Variants in CRB1 observed in about 807,000 individuals in gnomAD.
CRB1 encodes protein crumbs homolog 1.
Under a neutral mutation model 120.0 loss-of-function variants are expected in CRB1, and 83 were observed. The observed-to-expected ratio is 0.69, with a 90% CI of 0.58 to 0.83. CRB1 has a LOEUF of 0.83. Ranked by LOEUF, CRB1 falls within the 40% of genes least tolerant of loss-of-function variation. The probability of loss-of-function intolerance (pLI) is 0.00; values close to 1 mark genes in which losing one functional copy is unlikely to be tolerated. For missense variants in CRB1, 1,699 were observed against 1,687.6 expected, an observed-to-expected ratio of 1.01 and a Z score of -0.12; for synonymous variants, 625 against 612.5, an observed-to-expected ratio of 1.02 and a Z score of -0.30.
Position 197,427,869 on chromosome 1 carries a change from C to T in CRB1, c.2544C>T (p.Phe848=), listed in dbSNP as rs760840456. ...AGACTGAACTTAATGGTGGATTCTT[C>T]AAAGGCTGTATCCAAGATGTAAGAC... ...KQETELNGGF[F]KGCIQDVRLN... is the part of the protein sequence containing the mutation. The change falls in exon 7 of 12, where the codon TTC becomes TTT. Residue 848 remains phenylalanine, a synonymous_variant. Transcript: ENST00000367400. 3.7e-6 allele frequency: 6 copies of T among 1,613,904 alleles called. No individual in the cohort carries two copies. The East Asian group carries it at 6.7e-5, about 18-fold the overall frequency.
intron 11 of CRB1, among the ~76,000 whole-genome samples, chr1:197,449,733 T>G (rs538002145): frequency 2.0e-5 from 3 of 152,220 alleles, no homozygotes; most frequent in Admixed American, 6.5e-5. Context: ...CCTGTAGCAG[T>G]GCCCTCTGTG....
At chr1:197,235,473 C>G in the CRB1 span, among the ~76,000 whole-genome samples, 1 of 152,122 alleles carries the variant, frequency 6.6e-6, no homozygotes, top group Non-Finnish European at 1.5e-5. Context: ...CCTGTGATTA[C>G]CATGTGATAA....
chr1:197,362,755 G>A (rs1037380746), intron 5 of CRB1, among the ~76,000 whole-genome samples: 1 of 151,864 alleles, frequency 6.6e-6, no homozygotes, highest in African/African-American at 2.4e-5. Flanking sequence ...ACCCACTTAT[G>A]TCATTAAATT....
chr1:197,285,212 C>A (rs957205419), intron 1 of CRB1, among the ~76,000 whole-genome samples: 1 of 151,812 alleles, frequency 6.6e-6, no homozygotes, highest in East Asian at 1.9e-4. Flanking sequence ...GAAGTTTGTC[C>A]AAGAGCACGG....
chr1:197,296,043 A>C (rs1466279659), intron 1 of CRB1, among the ~76,000 whole-genome samples: 2 of 152,122 alleles, frequency 1.3e-5, no homozygotes, highest in African/African-American at 4.8e-5. Flanking sequence ...AGACTATAAA[A>C]ATATGAGCAC....
At chr1:197,270,545 A>G (rs992299871) in intron 1 of CRB1, among the ~76,000 whole-genome samples, 1 of 152,224 alleles carries the variant, frequency 6.6e-6, no homozygotes, top group Non-Finnish European at 1.5e-5. Context: ...AGGAATCATC[A>G]GAATAGTTAA....
intron 11 of CRB1, among the ~76,000 whole-genome samples, chr1:197,453,403 A>C (rs1666070856): frequency 6.8e-6 from 1 of 147,578 alleles, no homozygotes; most frequent in South Asian, 2.1e-4. Context: ...TAACATACTT[A>C]TATACTAATT....
the CRB1 span, chr1:197,222,264 T>G: frequency 1.8e-6 from 1 of 548,808 alleles, no homozygotes; most frequent in Non-Finnish European, 3.5e-6. Flanking sequence ...GGCGGGTGTT[T>G]GAGGGAACGA....
At chr1:197,381,746 G>A (rs1413386204) in intron 5 of CRB1, among the ~76,000 whole-genome samples, 1 of 152,146 alleles carries the variant, frequency 6.6e-6, no homozygotes, top group Non-Finnish European at 1.5e-5. Flanking sequence ...AATTTAATAT[G>A]AAAACTTTCC....
chr1:197,282,198 T>C (rs1208248554), intron 1 of CRB1, among the ~76,000 whole-genome samples: 1 of 151,790 alleles, frequency 6.6e-6, no homozygotes, highest in African/African-American at 2.4e-5. Context: ...TATTTGTTAG[T>C]TGTTTTTTAA....
intron 11 of CRB1, among the ~76,000 whole-genome samples, chr1:197,447,628 G>A (rs1210403626): frequency 2.0e-5 from 3 of 151,976 alleles, no homozygotes; most frequent in African/African-American, 7.3e-5. Flanking sequence ...GATCACTTGA[G>A]TCTAGGATTT....
In CRB1 at chr1:197,435,087, A is replaced by G; in HGVS notation, c.3224A>G (p.Lys1075Arg). The G allele has an allele frequency of 4.3e-6, 7 of 1,613,954 alleles. No individual in the cohort carries two copies. The highest frequency in any genetic ancestry group is 5.9e-6 in the Non-Finnish European group (7 of 1,179,884). ...TIATGSLNFLKDNTDIYVGDR... is the reference protein window; with the variant it reads ...TIATGSLNFLRDNTDIYVGDR... Reference sequence around the variant, plus strand: ...GCTACTGGAAGCCTCAACTTTTTGAAGGATAATACAGATATTTATGTGGGA... The same window carrying G: ...GCTACTGGAAGCCTCAACTTTTTGAGGGATAATACAGATATTTATGTGGGA... Residue 1075 changes from lysine (K) to arginine (R), a missense_variant, in exon 9 of 12, where the codon AAG becomes AGG. Coordinates refer to ENST00000367400, the MANE Select transcript of CRB1 (RefSeq NM_201253.3).
At chr1:197,393,305 C>T (rs1662603522) in intron 5 of CRB1, among the ~76,000 whole-genome samples, 1 of 152,064 alleles carries the variant, frequency 6.6e-6, no homozygotes, top group African/African-American at 2.4e-5. Context: ...GCTAGGTTTG[C>T]TCCTCCTACC....
Position 197,445,872 on chromosome 1 carries a change from A to C in CRB1, c.4005+3580A>C, listed in dbSNP as rs143129753. On this transcript the variant is annotated intron_variant, in intron 11 of 11. Coordinates refer to ENST00000367400, the MANE Select transcript of CRB1 (RefSeq NM_201253.3). ...TATGATTTAGACACAATGCTTGCTC[A>C]AAATAAGCTGAAGTTATGGTAAGGA... 3.9e-5 allele frequency among the ~76,000 whole-genome samples: 6 copies of C among 152,184 alleles called. 1 individual carries two copies. The highest frequency in any genetic ancestry group is 7.4e-5 in the Non-Finnish European group (5 of 68,012).
intron 10 of CRB1, 40 bp from the exon 11 acceptor site, chr1:197,442,126 A>G: frequency 6.2e-7 from 1 of 1,613,980 alleles, no homozygotes; most frequent in Non-Finnish European, 8.5e-7. Flanking sequence ...CAATGTATTC[A>G]ACAGGGACCT....
chr1:197,276,270 C>T (rs1010034268), intron 1 of CRB1, among the ~76,000 whole-genome samples: 23 of 151,696 alleles, frequency 1.5e-4, no homozygotes, highest in African/African-American at 3.9e-4. Context: ...AATGGTTTGA[C>T]GGGACCAAAA....
intron 1 of CRB1, among the ~76,000 whole-genome samples, chr1:197,317,017 A>T (rs2125282851): frequency 6.6e-6 from 1 of 152,348 alleles, no homozygotes; most frequent in East Asian, 1.9e-4. Context: ...GAGAAACTGA[A>T]GAAGACACAT....
intron 1 of CRB1, among the ~76,000 whole-genome samples, chr1:197,286,930 T>A (rs947889139): frequency 1.3e-5 from 2 of 151,972 alleles, no homozygotes; most frequent in Non-Finnish European, 2.9e-5. Context: ...CTATTTTGAA[T>A]TCTATTAATT....
chr1:197,477,811 G>C lies in CRB1; in HGVS notation c.4153G>C (p.Glu1385Gln), dbSNP rs746667930. 1.2e-6 allele frequency: 2 copies of C among 1,613,804 alleles called. No homozygotes were observed. Among genetic ancestry groups the C allele is most frequent in the African/African-American group, 2.7e-5 (2 of 74,902 alleles). The change falls in exon 12 of 12, where the codon GAG (glutamate) becomes CAG (glutamine). Residue 1385 changes from glutamate to glutamine, a missense_variant. By Grantham distance (29) the Glu-to-Gln change is conservative. Transcript: ENST00000367400. ...TQGTYSPSRQ[E>Q]KEGSRVEMWN... ...GGGAACCTACAGCCCCAGCCGTCAG[G>C]AGAAGGAGGGCTCCCGAGTGGAAAT...
Sources: gnomAD v4.1 joint callset for allele counts (sites outside exome capture counted in the v4.1 genomes callset) on GRCh38, gnomAD v4.1.1 for gene constraint, MANE v1.5 for transcripts, NCBI Gene and HGNC (gene_info 2026-07-23, HGNC 2026-07-21) for gene names.